Variants in TBX4 observed in about 807,000 individuals in gnomAD.
TBX4 encodes T-box transcription factor 4.
A neutral mutation model predicts 54.6 loss-of-function variants in TBX4; 13 were observed. The ratio of observed to expected loss-of-function variants is 0.24; its 90% CI spans 0.15 to 0.38. The LOEUF is 0.38. Among genes scored for constraint, TBX4 ranks in the 10% least tolerant of loss-of-function variants. The pLI is 1.00. For missense variants in TBX4, 631 were observed against 728.5 expected (o/e 0.87, Z 1.54); for synonymous variants, 314 against 306.7 (o/e 1.02, Z -0.25).
At chr17:61,452,834 T>C (rs1377442986) in intron 1 of TBX4, 1 of 805,622 alleles carries the variant, frequency 1.2e-6, no homozygotes, top group Non-Finnish European at 1.5e-6. Flanking sequence ...ATGAATTGGG[T>C]CTAGAGATCC....
chr17:61,478,370 C>T lies in TBX4; in HGVS notation c.550-257C>T, dbSNP rs142787037. On this transcript the variant is annotated intron_variant, in intron 5 of 8. Transcript: ENST00000644296. This position sits in a 1 kb window ranked among gnomAD's most constrained non-coding sequence, Gnocchi z 7.4. Reference sequence around the variant, plus strand: ...CAAGTTCTCCATTACCACAGTGAATCAACTGGTCACATCAAGGAGGGCCTG... The same window carrying T: ...CAAGTTCTCCATTACCACAGTGAATTAACTGGTCACATCAAGGAGGGCCTG... 7.8e-4 allele frequency: 428 copies of T among 548,890 alleles called. No homozygotes were observed. The highest frequency in any genetic ancestry group is 7.7e-3 in the African/African-American group (407 of 52,782). 34.0% of individuals were successfully genotyped at this position (548,890 alleles called of 1,614,324 possible). A position where few individuals can be genotyped will look rare whatever the true frequency, so the allele number is the denominator to read the frequency against.
rs2060652693 is a variant in TBX4, at chr17:61,480,085, T to G, written c.792-5T>G. The stretch of plus-strand genomic sequence containing the variant: ...TCTCTCCTCCTGTCCTCCCCACCCC[T>G]TCAGCAAAGAATACCCCGTGATTTC... On this transcript the variant is annotated splice_region_variant and splice_polypyrimidine_tract_variant and intron_variant, in intron 7 of 8. Transcript: ENST00000644296. The surrounding 1 kb of genome is among the most constrained non-coding windows in gnomAD (Gnocchi z 6.2). The G allele has an allele frequency of 1.2e-6, 2 of 1,613,808 alleles. No homozygotes were observed. The highest frequency in any genetic ancestry group is 1.7e-6 in the Non-Finnish European group (2 of 1,179,864).
rs776656634 is a variant in TBX4, at chr17:61,480,049, C to G, written c.792-41C>G. ...CTCTGTGACCCTCGATGTATCTTCA[C>G]TCTCTTCCTGTCTCTCCTCCTGTCC... is the stretch of plus-strand genomic sequence containing the variant. On this transcript the variant is annotated intron_variant, in intron 7 of 8. Coordinates refer to ENST00000644296, the MANE Select transcript of TBX4 (RefSeq NM_001321120.2). This position sits in a 1 kb window ranked among gnomAD's most constrained non-coding sequence, Gnocchi z 6.2. 3.1e-6 allele frequency: 5 copies of G among 1,611,808 alleles called. No individual in the cohort carries two copies. The South Asian group carries it at 5.5e-5, about 18-fold the overall frequency.
intron 5 of TBX4, among the ~76,000 whole-genome samples, chr17:61,473,295 C>T (rs542484168): frequency 1.6e-4 from 24 of 152,306 alleles, no homozygotes; most frequent in South Asian, 2.1e-4. Flanking sequence ...TGCTCATTTT[C>T]GGAGTTACTA....
At position 61,480,031 on chromosome 17, in the gene TBX4, A is replaced by G. The variant is rs1188383360; in HGVS notation, c.792-59A>G. Reference sequence around the variant, plus strand: ...GGGATTCAGGCACGTGGCCTCTGTGACCCTCGATGTATCTTCACTCTCTTC... The same window carrying G: ...GGGATTCAGGCACGTGGCCTCTGTGGCCCTCGATGTATCTTCACTCTCTTC... On this transcript the variant is annotated intron_variant, in intron 7 of 8. Coordinates refer to ENST00000644296, the MANE Select transcript of TBX4 (RefSeq NM_001321120.2). The surrounding 1 kb of genome is among the most constrained non-coding windows in gnomAD (Gnocchi z 6.2). 1 of 1,611,638 alleles carries G rather than the reference A, an allele frequency of 6.2e-7. No homozygotes were observed. Among genetic ancestry groups the G allele is most frequent in the Non-Finnish European group, 8.5e-7 (1 of 1,178,124 alleles).
chr17:61,485,053 T>C lies in TBX4; in HGVS notation c.*1537T>C, dbSNP rs1392630534. 1 of 151,944 alleles carries C rather than the reference T, an allele frequency of 6.6e-6. No homozygotes were observed. Among genetic ancestry groups the C allele is most frequent in the Non-Finnish European group, 1.5e-5 (1 of 67,984 alleles). The allele number at this position is 151,944 out of a possible 1,614,324, so 9.4% of individuals were successfully genotyped here. A position where few individuals can be genotyped will look rare whatever the true frequency, so the allele number is the denominator to read the frequency against. ...ATATGGAACTTCAAGTGTTTTGTTA[T>C]ATAGCATGGATGTTTTATTTTGCAT... is the stretch of plus-strand genomic sequence containing the variant. On this transcript the variant is annotated 3_prime_UTR_variant, in exon 9 of 9. Coordinates refer to ENST00000644296, the MANE Select transcript of TBX4 (RefSeq NM_001321120.2). The surrounding 1 kb of genome is among the most constrained non-coding windows in gnomAD (Gnocchi z 4.6).
intron 5 of TBX4, among the ~76,000 whole-genome samples, chr17:61,469,763 C>T (rs2060562831): frequency 6.6e-6 from 1 of 152,232 alleles, no homozygotes; most frequent in Non-Finnish European, 1.5e-5. Context: ...CAGGGCACAG[C>T]AACCCATTTG....
At position 61,478,917 on chromosome 17, in the gene TBX4, A is replaced by C; in HGVS notation, c.702+138A>C. ...CCCAGTGCAGGGACCTCAGAAGCCTAGAGTCCCTCGGAGCCGCGAGCAAAT... is the reference window on the plus strand; with the variant it reads ...CCCAGTGCAGGGACCTCAGAAGCCTCGAGTCCCTCGGAGCCGCGAGCAAAT... On this transcript the variant is annotated intron_variant, in intron 6 of 8. Transcript: ENST00000644296. The surrounding 1 kb of genome is among the most constrained non-coding windows in gnomAD (Gnocchi z 7.4). 1 of 1,367,184 alleles carries C rather than the reference A, an allele frequency of 7.3e-7. No homozygotes were observed. Among genetic ancestry groups the C allele is most frequent in the South Asian group, 1.2e-5 (1 of 83,738 alleles). 84.7% of individuals were successfully genotyped at this position (1,367,184 alleles called of 1,614,324 possible).
In TBX4 at chr17:61,483,262, A is replaced by C. The variant is rs764323057; in HGVS notation, c.1387A>C (p.Ser463Arg). The change falls in exon 9 of 9, where the codon AGC becomes CGC. Residue 463 changes from serine (S) to arginine (R), a missense_variant. Physicochemically the swap from Ser to Arg is moderately radical, Grantham distance 110. Around this residue, in one of 3 missense-constraint regions of TBX4, gnomAD observed 354 missense variants for 368.9 expected, o/e 0.96. Transcript: ENST00000644296. This position sits in a 1 kb window ranked among gnomAD's most constrained non-coding sequence, Gnocchi z 6.6. ...MPRLPTLSAQ[S>R]SQPPGNAHFS... is the part of the protein sequence containing the mutation. ...GCGGCTGCCCACCCTCTCCGCTCAGAGCTCCCAGCCACCAGGAAATGCCCA... is the reference window on the plus strand; with the variant it reads ...GCGGCTGCCCACCCTCTCCGCTCAGCGCTCCCAGCCACCAGGAAATGCCCA... The C allele has an allele frequency of 6.2e-7, 1 of 1,613,966 alleles. No individual in the cohort carries two copies. The highest frequency in any genetic ancestry group is 2.2e-5 in the East Asian group (1 of 44,862).
At position 61,464,182 on chromosome 17, in the gene TBX4, T is replaced by G. The variant is rs543072697; in HGVS notation, c.282-1637T>G. 1 of 152,470 alleles carries G rather than the reference T, an allele frequency of 6.6e-6. No homozygotes were observed. Among genetic ancestry groups the G allele is most frequent in the South Asian group, 2.1e-4 (1 of 4,826 alleles). The allele number at this position is 152,470 out of a possible 1,614,324, so 9.4% of individuals were successfully genotyped here. On this transcript the variant is annotated intron_variant, in intron 3 of 8. Transcript: ENST00000644296. The surrounding 1 kb of genome is among the most constrained non-coding windows in gnomAD (Gnocchi z 5.8). The stretch of plus-strand genomic sequence containing the variant: ...ACGCACACATCCACACATGCGCACT[T>G]GCACACCGCTCACATGCGCCTGGGC...
chr17:61,475,642 T>C lies in TBX4; in HGVS notation c.550-2985T>C, dbSNP rs1383434856. On this transcript the variant is annotated intron_variant, in intron 5 of 8. Transcript: ENST00000644296. The surrounding 1 kb of genome is among the most constrained non-coding windows in gnomAD (Gnocchi z 5.0). ...TGGATGACAGTGAGGAGGAGGGGAG[T>C]TGATGATGATACCCAGGGCTTTGAC... is the stretch of plus-strand genomic sequence containing the variant. Among the ~76,000 whole-genome samples the C allele has an allele frequency of 6.6e-6, 1 of 150,990 alleles. No individual in the cohort carries two copies. Among genetic ancestry groups the C allele is most frequent in the Non-Finnish European group, 1.5e-5 (1 of 67,784 alleles).
chr17:61,476,453 C>T lies in TBX4; in HGVS notation c.550-2174C>T, dbSNP rs970720324. The stretch of plus-strand genomic sequence containing the variant: ...ATTCCATTGCTGGATCTTCCGGGAA[C>T]GTGGGTCCTTTGTGGATGCCTGCAG... On this transcript the variant is annotated intron_variant, in intron 5 of 8. Coordinates refer to ENST00000644296, the MANE Select transcript of TBX4 (RefSeq NM_001321120.2). The surrounding 1 kb of genome is among the most constrained non-coding windows in gnomAD (Gnocchi z 6.5). 6.6e-6 allele frequency among the ~76,000 whole-genome samples: 1 copy of T among 152,212 alleles called. No homozygotes were observed. Among genetic ancestry groups the T allele is most frequent in the Non-Finnish European group, 1.5e-5 (1 of 68,022 alleles).
In TBX4 at chr17:61,457,752, G is replaced by C; in HGVS notation, c.281+121G>C. 1 of 902,054 alleles carries C rather than the reference G, an allele frequency of 1.1e-6. No individual in the cohort carries two copies. Among genetic ancestry groups the C allele is most frequent in the Non-Finnish European group, 1.7e-6 (1 of 577,598 alleles). The allele number at this position is 902,054 out of a possible 1,614,324, so 55.9% of individuals were successfully genotyped here. ...CTGTGGGAGGCCTCTCTGCCTCCTC[G>C]GGCGTCAGTGCCACCTCCCTTCGCA... On this transcript the variant is annotated intron_variant, in intron 3 of 8. Transcript: ENST00000644296. This position sits in a 1 kb window ranked among gnomAD's most constrained non-coding sequence, Gnocchi z 8.2.
Position 61,482,728 on chromosome 17 carries a change from T to G in TBX4, c.1022-169T>G, listed in dbSNP as rs550586422. ...CGTAATCTGACCACTTCTTGGTGCC[T>G]GCAACCCTATAAAAGCCGTGGCTGA... is the stretch of plus-strand genomic sequence containing the variant. On this transcript the variant is annotated intron_variant, in intron 8 of 8. Coordinates refer to ENST00000644296, the MANE Select transcript of TBX4 (RefSeq NM_001321120.2). Among the ~76,000 whole-genome samples, 18 of 152,290 alleles carry G rather than the reference T, an allele frequency of 1.2e-4. No individual in the cohort carries two copies. In the South Asian group the frequency reaches 3.5e-3, roughly 30 times the overall value.
In TBX4 at chr17:61,457,516, TTC is replaced by T; in HGVS notation, c.187-16_187-15del. ...AGCCCTGGGCCTGGCAGACACAAGT[TTC>T]TCTCCCTCCCATCCCCAGACCATCG... On this transcript the variant is annotated intron_variant, in intron 2 of 8. Transcript: ENST00000644296. This position sits in a 1 kb window ranked among gnomAD's most constrained non-coding sequence, Gnocchi z 8.2. The T allele has an allele frequency of 6.2e-7, 1 of 1,610,798 alleles. No homozygotes were observed. Among genetic ancestry groups the T allele is most frequent in the Admixed American group, 1.7e-5 (1 of 59,978 alleles).
At position 61,462,847 on chromosome 17, in the gene TBX4, G is replaced by A. The variant is rs893385787; in HGVS notation, c.282-2972G>A. ...TCAAACCTTTCATGAGAGAGGCAGA[G>A]CTCACAGGAAGTCACAGCTCCCAAA... On this transcript the variant is annotated intron_variant, in intron 3 of 8. Coordinates refer to ENST00000644296, the MANE Select transcript of TBX4 (RefSeq NM_001321120.2). The surrounding 1 kb of genome is among the most constrained non-coding windows in gnomAD (Gnocchi z 4.5). 6 of 152,406 alleles carry A rather than the reference G, an allele frequency of 3.9e-5. No individual in the cohort carries two copies. The highest frequency in any genetic ancestry group is 3.9e-4 in the East Asian group (2 of 5,178). The allele number at this position is 152,406 out of a possible 1,614,324, so 9.4% of individuals were successfully genotyped here. A position where few individuals can be genotyped will look rare whatever the true frequency, so the allele number is the denominator to read the frequency against.
intron 8 of TBX4, chr17:61,482,030 G>A (rs2060666524): frequency 6.6e-6 from 1 of 152,332 alleles, no homozygotes; most frequent in African/African-American, 2.4e-5. Context: ...GCCTCCCAAA[G>A]TGCTGGGATT....
intron 5 of TBX4, among the ~76,000 whole-genome samples, chr17:61,471,911 T>A (rs143476821): frequency 0.045 from 5,004 of 110,092 alleles, 162 homozygotes; most frequent in Non-Finnish European, 0.062. Context: ...TTTTTTTTTT[T>A]TTTTTTTTTT....
chr17:61,457,406 C>A lies in TBX4; in HGVS notation c.187-131C>A. ...AATAGTTCAAAATCGTTCTGTGAAA[C>A]GAAATCTGGAGCCATGGGCTCCGGG... On this transcript the variant is annotated intron_variant, in intron 2 of 8. Transcript: ENST00000644296. This position sits in a 1 kb window ranked among gnomAD's most constrained non-coding sequence, Gnocchi z 8.2. The A allele has an allele frequency of 1.3e-6, 1 of 763,738 alleles. No individual in the cohort carries two copies. Among genetic ancestry groups the A allele is most frequent in the Non-Finnish European group, 2.3e-6 (1 of 439,858 alleles). 47.3% of individuals were successfully genotyped at this position (763,738 alleles called of 1,614,324 possible). A position where few individuals can be genotyped will look rare whatever the true frequency, so the allele number is the denominator to read the frequency against.
Sources: allele counts gnomAD v4.1 joint callset (sites outside exome capture counted in the v4.1 genomes callset), GRCh38; gene constraint gnomAD v4.1.1; regional missense constraint gnomAD v4.1.1; non-coding constraint Gnocchi (gnomAD v3.1); transcripts MANE v1.5; gene names NCBI Gene and HGNC (gene_info 2026-07-23, HGNC 2026-07-21).